Variants in ADGRA3 observed in about 807,000 individuals in gnomAD.
The protein encoded by ADGRA3 is adhesion G protein-coupled receptor A3, also known as G-protein coupled receptor 125.
Under a neutral mutation model 119.8 loss-of-function variants are expected in ADGRA3, and 56 were observed. The observed-to-expected ratio is 0.47, with a 90% CI of 0.38 to 0.58. The LOEUF (loss-of-function observed/expected upper bound fraction) is 0.58. Among genes scored for constraint, ADGRA3 ranks in the 20% least tolerant of loss-of-function variants. ADGRA3 has a pLI of 0.00. For synonymous variants in ADGRA3, 607 were observed against 623.8 expected, an observed-to-expected ratio of 0.97 and a Z score of 0.40; for missense variants, 1,516 against 1,649.0, an observed-to-expected ratio of 0.92 and a Z score of 1.40.
At chr4:22,426,663 GAGAAATAT>G (rs1715945772) in intron 10 of ADGRA3, among the ~76,000 whole-genome samples, 1 of 152,158 alleles carries the variant, frequency 6.6e-6, no homozygotes, top group Non-Finnish European at 1.5e-5. Flanking sequence ...GAAATATGCA[GAGAAATAT>G]AGGATACAGA....
At chr4:22,505,581 AG>A (rs1378472612) in intron 1 of ADGRA3, among the ~76,000 whole-genome samples, 1 of 149,692 alleles carries the variant, frequency 6.7e-6, no homozygotes, top group Non-Finnish European at 1.5e-5. Context: ...CGGGAGACGG[AG>A]GTTGCAGTGA....
At chr4:22,481,668 A>G (rs1306343692) in intron 1 of ADGRA3, among the ~76,000 whole-genome samples, 1 of 152,230 alleles carries the variant, frequency 6.6e-6, no homozygotes, top group Non-Finnish European at 1.5e-5. Flanking sequence ...CTTTCAGAAG[A>G]TACCTCCTAC....
At chr4:22,489,290 C>T (rs1008127988) in intron 1 of ADGRA3, among the ~76,000 whole-genome samples, 7 of 152,006 alleles carry the variant, frequency 4.6e-5, no homozygotes, top group African/African-American at 1.7e-4. Flanking sequence ...CCCACCAGGT[C>T]CCTCCCATAA....
intron 1 of ADGRA3, among the ~76,000 whole-genome samples, chr4:22,513,278 C>T (rs1421782552): frequency 6.6e-6 from 1 of 151,400 alleles, no homozygotes; most frequent in African/African-American, 2.4e-5. Context: ...TCCCGAGTAG[C>T]GACTAGCTGG....
Position 22,454,960 on chromosome 4 carries a change from G to T in ADGRA3, c.402-23C>A, listed in dbSNP as rs190311563. 6,114 of 1,559,928 alleles carry T rather than the reference G, an allele frequency of 3.9e-3. 15 individuals carry two copies. The highest frequency in any genetic ancestry group is 7.6e-3 in the South Asian group (686 of 89,984). On this transcript the variant is annotated intron_variant, in intron 3 of 18. Transcript: ENST00000334304. ...TCCCTAAGGAGAAGGGTGGAAAAGT[G>T]TCTTCAATTAGTTCTCTTGGTTAAA...
intron 9 of ADGRA3, 72 bp downstream of exon 9, chr4:22,436,368 A>AAC: frequency 5.7e-6 from 7 of 1,232,926 alleles, no homozygotes; most frequent in Non-Finnish European, 8.0e-6. Context: ...AAAAAAAAAA[A>AAC]AAACTTATGT....
intron 3 of ADGRA3, chr4:22,455,822 T>C: frequency 7.8e-7 from 1 of 1,288,544 alleles, no homozygotes; most frequent in South Asian, 1.2e-5. Context: ...TGGCATGGCA[T>C]GACTCGCATC....
intron 14 of ADGRA3, among the ~76,000 whole-genome samples, chr4:22,412,157 G>A (rs1330832356): frequency 1.3e-5 from 2 of 151,970 alleles, no homozygotes; most frequent in Admixed American, 1.3e-4. Flanking sequence ...AAATAACATA[G>A]AAGTTCCTCA....
chr4:22,395,743 G>C (rs1325210735), intron 16 of ADGRA3, among the ~76,000 whole-genome samples: 1 of 152,140 alleles, frequency 6.6e-6, no homozygotes, highest in Non-Finnish European at 1.5e-5. Flanking sequence ...TAGTGACTTA[G>C]GGAAGTTATT....
chr4:22,445,394 C>T (rs1716793283), intron 5 of ADGRA3, among the ~76,000 whole-genome samples: 2 of 152,112 alleles, frequency 1.3e-5, no homozygotes, highest in Admixed American at 1.3e-4. Context: ...GGCAGATATC[C>T]CTCTTCTATG....
rs1338263672 is a variant in ADGRA3, at chr4:22,402,789, C to T, written c.2243G>A (p.Gly748Glu). 5 of 1,609,740 alleles carry T rather than the reference C, an allele frequency of 3.1e-6. No individual in the cohort carries two copies. In the South Asian group the frequency reaches 5.6e-5, roughly 18 times the overall value. The change falls in exon 15 of 19, where the codon GGA becomes GAA. Residue 748 changes from glycine to glutamate, a missense_variant. By Grantham distance (98) the Gly-to-Glu change is moderately conservative (BLOSUM62 -2). Around this residue, in one of 2 missense-constraint regions of ADGRA3, gnomAD observed 1,088 missense variants for 1,107.1 expected, o/e 0.98. Coordinates refer to ENST00000334304, the MANE Select transcript of ADGRA3 (RefSeq NM_145290.4). ...SNYAVLMDLT[G>E]SELYTQAASL... The stretch of plus-strand genomic sequence containing the variant: ...GGCCGCCTGGGTGTATAGTTCAGAT[C>T]CCGTCAAATCCTGAGGGCAAAAAGA...
intron 1 of ADGRA3, among the ~76,000 whole-genome samples, chr4:22,486,820 A>C (rs755244827): frequency 5.9e-5 from 9 of 152,208 alleles, no homozygotes; most frequent in Non-Finnish European, 1.0e-4. Flanking sequence ...ACAAGTTCTT[A>C]ACCTCTTAGT....
chr4:22,431,486 G>C (rs771220228), intron 10 of ADGRA3, among the ~76,000 whole-genome samples: 1 of 152,166 alleles, frequency 6.6e-6, no homozygotes, highest in African/African-American at 2.4e-5. Flanking sequence ...GATCATTTTG[G>C]AGCTTTAAGA....
chr4:22,416,856 AATG>A (rs1357058762), intron 12 of ADGRA3, among the ~76,000 whole-genome samples: 1 of 152,186 alleles, frequency 6.6e-6, no homozygotes, highest in Non-Finnish European at 1.5e-5. Flanking sequence ...CTAAAAGGAA[AATG>A]ATAAGCATAA....
At chr4:22,503,582 G>A (rs1406208869) in intron 1 of ADGRA3, among the ~76,000 whole-genome samples, 1 of 152,134 alleles carries the variant, frequency 6.6e-6, no homozygotes, top group African/African-American at 2.4e-5. Flanking sequence ...CAAGGCCATG[G>A]CAGCACTGGC....
At chr4:22,393,378 G>GGTTA (rs1412590959) in intron 16 of ADGRA3, 3 of 152,162 alleles carry the variant, frequency 2.0e-5, no homozygotes, top group Non-Finnish European at 4.4e-5. Flanking sequence ...AGAGGGCACA[G>GGTTA]GTTAACTACA....
intron 16 of ADGRA3, 68 bp from the exon 17 acceptor site, chr4:22,392,758 G>C (rs1714190299): frequency 7.0e-7 from 1 of 1,429,468 alleles, no homozygotes; most frequent in Non-Finnish European, 9.5e-7. Flanking sequence ...CTCAAAATTG[G>C]TAAGTAACTC....
chr4:22,446,052 C>T lies in ADGRA3; in HGVS notation c.546-919G>A, dbSNP rs76050683. 5.5e-3 allele frequency among the ~76,000 whole-genome samples: 837 copies of T among 152,206 alleles called. 4 individuals carry two copies. Among genetic ancestry groups the T allele is most frequent in the Non-Finnish European group, 8.8e-3 (601 of 68,016 alleles). On this transcript the variant is annotated intron_variant, in intron 5 of 18. Transcript: ENST00000334304. Reference sequence around the variant, plus strand: ...ATGTAAACATAACTAAAATAGAATGCAACATGTTCTATAAAAATAAATCAA... The same window carrying T: ...ATGTAAACATAACTAAAATAGAATGTAACATGTTCTATAAAAATAAATCAA...
rs1717983549 is a variant in ADGRA3 at position 22,474,904 on chromosome 4, A to G, written c.258-1061T>C. ...AGTGTTTTTTGAGACAATGCAACAC[A>G]GCACTTCTTTGTATATACAAATGTA... On this transcript the variant is annotated intron_variant, in intron 1 of 18. Coordinates refer to ENST00000334304, the MANE Select transcript of ADGRA3 (RefSeq NM_145290.4). 2.0e-5 allele frequency among the ~76,000 whole-genome samples: 3 copies of G among 152,322 alleles called. No homozygotes were observed. The South Asian group carries it at 6.2e-4, about 32-fold the overall frequency.
Sources: gnomAD v4.1 joint callset for allele counts (sites outside exome capture counted in the v4.1 genomes callset) on GRCh38, gnomAD v4.1.1 for gene constraint, gnomAD v4.1.1 regional missense constraint, MANE v1.5 for transcripts, NCBI Gene and HGNC (gene_info 2026-07-23, HGNC 2026-07-21) for gene names.